TCF4: variants seen among roughly 807,000 people sequenced by gnomAD.
TCF4 encodes transcription factor 4, also known as SL3-3 enhancer factor 2.
A neutral mutation model predicts 82.1 loss-of-function variants in TCF4; 3 were observed. The ratio of observed to expected loss-of-function variants is 0.04; its 90% CI spans 0.02 to 0.09. The LOEUF (loss-of-function observed/expected upper bound fraction) is 0.09, where lower values mean the gene tolerates loss of function less well. TCF4 is among the 10% of genes least tolerant of loss of function. TCF4 has a pLI of 1.00. For synonymous variants in TCF4, 276 were observed against 309.6 expected (o/e 0.89, Z 1.14); for missense variants, 518 against 852.7 (o/e 0.61, Z 4.89).
chr18:55,541,581 A>C lies in TCF4; in HGVS notation c.145+43699T>G, dbSNP rs538514804. 1.3e-3 allele frequency among the ~76,000 whole-genome samples: 194 copies of C among 152,106 alleles called. 2 individuals are homozygous for C. Among genetic ancestry groups the C allele is most frequent in the African/African-American group, 4.5e-3 (185 of 41,548 alleles). ...GCATATTTCTCTGATACAAAAGTAC[A>C]TTTTTCAGAGAATGCAGTTAAATAA... On this transcript the variant is annotated intron_variant, in intron 3 of 19. Coordinates refer to ENST00000354452, the MANE Select transcript of TCF4 (RefSeq NM_001083962.2).
At chr18:55,483,931 T>A (rs2096480041) in intron 3 of TCF4, among the ~76,000 whole-genome samples, 1 of 152,258 alleles carries the variant, frequency 6.6e-6, no homozygotes, top group Middle Eastern at 3.2e-3. Flanking sequence ...CTAGAGCAGT[T>A]TACTGCTTTC....
chr18:55,408,234 G>A (rs905677896), intron 5 of TCF4, among the ~76,000 whole-genome samples: 7 of 152,160 alleles, frequency 4.6e-5, no homozygotes, highest in Admixed American at 6.5e-5. Flanking sequence ...ATATCATCCC[G>A]TGAAACGCCT....
chr18:55,451,361 A>G (rs2095619572), intron 5 of TCF4, among the ~76,000 whole-genome samples: 1 of 152,170 alleles, frequency 6.6e-6, no homozygotes, highest in Admixed American at 6.5e-5. Context: ...CCAGGCTGGC[A>G]TCCCTGTCCT....
intron 17 of TCF4, chr18:55,229,278 G>T (rs2276195): frequency 3.2e-6 from 2 of 627,420 alleles, no homozygotes; most frequent in Non-Finnish European, 5.7e-6. Context: ...TGGTTTTCTC[G>T]CAGACATTAA....
chr18:55,299,374 T>G (rs368205094), intron 8 of TCF4, among the ~76,000 whole-genome samples: 1 of 151,502 alleles, frequency 6.6e-6, no homozygotes, highest in Non-Finnish European at 1.5e-5. Context: ...ATCGCACCAT[T>G]GCACTCCAAC....
At chr18:55,562,165 CA>C (rs2097360845) in intron 3 of TCF4, among the ~76,000 whole-genome samples, 1 of 152,176 alleles carries the variant, frequency 6.6e-6, no homozygotes, top group African/African-American at 2.4e-5. Flanking sequence ...GTATTTGCAA[CA>C]GAGAGTCTGT....
At chr18:55,439,774 G>A (rs947907058) in intron 5 of TCF4, among the ~76,000 whole-genome samples, 4 of 152,196 alleles carry the variant, frequency 2.6e-5, no homozygotes, top group African/African-American at 9.7e-5. Context: ...CGAGGCAAGA[G>A]TATAACGGCA....
chr18:55,286,095 G>A (rs1479540415), intron 8 of TCF4, among the ~76,000 whole-genome samples: 2 of 152,240 alleles, frequency 1.3e-5, no homozygotes, highest in Middle Eastern at 3.4e-3. Context: ...CTCTTAATCC[G>A]CAATTTAGTC....
intron 8 of TCF4, among the ~76,000 whole-genome samples, chr18:55,296,925 T>C (rs1366610611): frequency 6.6e-6 from 1 of 152,172 alleles, no homozygotes; most frequent in African/African-American, 2.4e-5. Flanking sequence ...AGCCAAGCCA[T>C]GCTTTGTGTT....
chr18:55,618,491 G>C (rs1041159094), intron 2 of TCF4, among the ~76,000 whole-genome samples: 2 of 151,054 alleles, frequency 1.3e-5, no homozygotes, highest in Non-Finnish European at 3.0e-5. Context: ...TCTCTTTTTT[G>C]TTAGTCTATC....
At chr18:55,344,223 G>GA (rs2080661474) in intron 8 of TCF4, among the ~76,000 whole-genome samples, 1 of 151,846 alleles carries the variant, frequency 6.6e-6, no homozygotes, top group East Asian at 1.9e-4. Context: ...CAGTGATCTG[G>GA]AAAAAAGGAG....
At chr18:55,292,696 A>ATGTGTGTG (rs35399017) in intron 8 of TCF4, among the ~76,000 whole-genome samples, 2,245 of 151,182 alleles carry the variant, frequency 0.015, 60 homozygotes, top group African/African-American at 0.051. Context: ...ATAGACATGA[A>ATGTGTGTG]TGTGTGTGTG....
intron 11 of TCF4, chr18:55,264,994 CAGAA>C (rs2058809199): frequency 2.0e-5 from 3 of 152,140 alleles, no homozygotes; most frequent in Non-Finnish European, 4.4e-5. Context: ...GAAGATGAAG[CAGAA>C]AGAAAGGTTT....
At chr18:55,388,339 G>A (rs1383190220) in intron 6 of TCF4, among the ~76,000 whole-genome samples, 1 of 152,092 alleles carries the variant, frequency 6.6e-6, no homozygotes, top group African/African-American at 2.4e-5. Flanking sequence ...ATTTCCAGGA[G>A]GACCATGGTC....
At chr18:55,345,090 T>C (rs1389564481) in intron 8 of TCF4, among the ~76,000 whole-genome samples, 2 of 152,064 alleles carry the variant, frequency 1.3e-5, no homozygotes, top group Non-Finnish European at 2.9e-5. Context: ...TGAGCAAACT[T>C]CTGGGATATT....
chr18:55,461,195 C>T, intron 4 of TCF4, 80 bp from the exon 5 acceptor site: 2 of 1,185,816 alleles, frequency 1.7e-6, no homozygotes, highest in Non-Finnish European at 2.4e-6. Context: ...ACTACCAAAA[C>T]TTCTCCCCTC....
chr18:55,307,628 A>G (rs1378658447), intron 8 of TCF4, among the ~76,000 whole-genome samples: 1 of 152,246 alleles, frequency 6.6e-6, no homozygotes, highest in Non-Finnish European at 1.5e-5. Context: ...GCTCTATGAA[A>G]CCAAAATATT....
At chr18:55,318,146 TTTTA>T (rs1438883858) in intron 8 of TCF4, among the ~76,000 whole-genome samples, 1 of 152,114 alleles carries the variant, frequency 6.6e-6, no homozygotes, top group Non-Finnish European at 1.5e-5. Context: ...TTGTTTTCAG[TTTTA>T]TTTGCCATAA....
chr18:55,508,914 G>C (rs564652609), intron 3 of TCF4, among the ~76,000 whole-genome samples: 1 of 152,204 alleles, frequency 6.6e-6, no homozygotes, highest in African/African-American at 2.4e-5. Flanking sequence ...CAAACAAAAT[G>C]TAAATCGTAT....
Sources: gnomAD v4.1 joint callset for allele counts (sites outside exome capture counted in the v4.1 genomes callset) on GRCh38, gnomAD v4.1.1 for gene constraint, MANE v1.5 for transcripts, NCBI Gene and HGNC (gene_info 2026-07-23, HGNC 2026-07-21) for gene names.